MTSS1: variants seen among roughly 807,000 people sequenced by gnomAD.
MTSS1 encodes protein MTSS 1.
In MTSS1, 18 loss-of-function variants were observed where a neutral mutation model predicts 79.0. That is an observed-to-expected ratio of 0.23 (90% CI 0.16 to 0.34). The LOEUF (loss-of-function observed/expected upper bound fraction) is 0.34, where lower values mean the gene tolerates loss of function less well. Ranked by LOEUF, MTSS1 falls within the 10% of genes least tolerant of loss-of-function variation. The probability of loss-of-function intolerance (pLI) is 1.00; values close to 1 mark genes in which losing one functional copy is unlikely to be tolerated. For synonymous variants in MTSS1, 341 were observed against 368.6 expected, an observed-to-expected ratio of 0.93 and a Z score of 0.86; for missense variants, 815 against 986.2, an observed-to-expected ratio of 0.83 and a Z score of 2.33.
chr8:124,601,552 GA>G lies in MTSS1; in HGVS notation c.209-10318del, dbSNP rs532947646. ...TTGTAATATTTTAGTTTCACTATAT[GA>G]GAAAATAGTCTCTCCTTCCTCTCAA... On this transcript the variant is annotated intron_variant, in intron 3 of 13. Coordinates refer to ENST00000518547, the MANE Select transcript of MTSS1 (RefSeq NM_014751.6). 3.0e-4 allele frequency among the ~76,000 whole-genome samples: 45 copies of G among 152,336 alleles called. No individual in the cohort carries two copies. The South Asian group carries it at 6.8e-3, about 23-fold the overall frequency.
chr8:124,591,028 G>C (rs1831785736), intron 4 of MTSS1, 123 bp downstream of exon 4: 1 of 819,442 alleles, frequency 1.2e-6, no homozygotes, highest in African/African-American at 1.7e-5. Flanking sequence ...ACAATACTCA[G>C]GCAATGAATG....
intron 3 of MTSS1, among the ~76,000 whole-genome samples, chr8:124,620,882 C>A (rs1057029802): frequency 6.6e-6 from 1 of 152,182 alleles, no homozygotes; most frequent in Non-Finnish European, 1.5e-5. Context: ...GCGAATGAAA[C>A]AGTATCGTGA....
intron 3 of MTSS1, among the ~76,000 whole-genome samples, chr8:124,696,388 C>T (rs934959358): frequency 6.6e-6 from 1 of 152,080 alleles, no homozygotes; most frequent in African/African-American, 2.4e-5. Flanking sequence ...GAAGGACATT[C>T]GAGTTTCTCT....
intron 3 of MTSS1, among the ~76,000 whole-genome samples, chr8:124,630,249 G>A (rs1395080892): frequency 1.3e-5 from 2 of 152,174 alleles, no homozygotes; most frequent in Non-Finnish European, 2.9e-5. Context: ...CCCACCCCAT[G>A]CCACTGGGCT....
chr8:124,688,935 G>GA (rs368358900), intron 3 of MTSS1, among the ~76,000 whole-genome samples: 123 of 136,758 alleles, frequency 9.0e-4, no homozygotes, highest in East Asian at 1.7e-3. Context: ...GTGAGCAGAA[G>GA]AAAAAAAAAA....
chr8:124,684,246 C>T (rs564947956), intron 3 of MTSS1, among the ~76,000 whole-genome samples: 1 of 152,302 alleles, frequency 6.6e-6, no homozygotes, highest in African/African-American at 2.4e-5. Flanking sequence ...AGCTGGGTTA[C>T]TGGCATGAGG....
At chr8:124,608,783 C>T (rs1385501188) in intron 3 of MTSS1, among the ~76,000 whole-genome samples, 1 of 152,132 alleles carries the variant, frequency 6.6e-6, no homozygotes, top group Non-Finnish European at 1.5e-5. Flanking sequence ...CAGCTATGCG[C>T]TAGATGGAAA....
At chr8:124,607,700 G>A (rs887894701) in intron 3 of MTSS1, among the ~76,000 whole-genome samples, 6 of 152,190 alleles carry the variant, frequency 3.9e-5, no homozygotes, top group South Asian at 2.1e-4. Context: ...CTCCCAAATC[G>A]AGTCTCAGGT....
At chr8:124,586,046 TC>T (rs1830809103) in intron 5 of MTSS1, among the ~76,000 whole-genome samples, 1 of 152,024 alleles carries the variant, frequency 6.6e-6, no homozygotes, top group Non-Finnish European at 1.5e-5. Flanking sequence ...GCCAAGCACT[TC>T]CTCCTCCACC....
rs886526006 is a variant in MTSS1 at position 124,582,692 on chromosome 8, T to G, written c.460+2395A>C. Among the ~76,000 whole-genome samples, 4 of 152,148 alleles carry G rather than the reference T, an allele frequency of 2.6e-5. No homozygotes were observed. The highest frequency in any genetic ancestry group is 5.9e-5 in the Non-Finnish European group (4 of 68,018). ...GTGCGTCAGAAGGAACTGCTAACAC[T>G]TTTACAAACCGAGGGTCCGGGAATC... On this transcript the variant is annotated intron_variant, in intron 6 of 13. Coordinates refer to ENST00000518547, the MANE Select transcript of MTSS1 (RefSeq NM_014751.6). This position sits in a 1 kb window ranked among gnomAD's most constrained non-coding sequence, Gnocchi z 4.8.
chr8:124,701,636 A>G (rs1829717740), intron 2 of MTSS1, among the ~76,000 whole-genome samples: 1 of 152,222 alleles, frequency 6.6e-6, no homozygotes, highest in Non-Finnish European at 1.5e-5. Flanking sequence ...AATCATCCAA[A>G]TTTAATGAAC....
Position 124,641,236 on chromosome 8 carries a change from A to G in MTSS1, c.209-50001T>C, listed in dbSNP as rs927612744. Among the ~76,000 whole-genome samples the G allele has an allele frequency of 5.3e-5, 8 of 152,222 alleles. 1 individual carries two copies. The highest frequency in any genetic ancestry group is 5.2e-4 in the Admixed American group (8 of 15,284). On this transcript the variant is annotated intron_variant, in intron 3 of 13. Coordinates refer to ENST00000518547, the MANE Select transcript of MTSS1 (RefSeq NM_014751.6). ...CACAGTCACTTTGGCCAGCAGGCCC[A>G]GTGCAGGCTGGTTAAGAGAGCTCCC... is the stretch of plus-strand genomic sequence containing the variant.
chr8:124,659,884 T>C (rs1821675442), intron 3 of MTSS1, among the ~76,000 whole-genome samples: 1 of 152,108 alleles, frequency 6.6e-6, no homozygotes, highest in South Asian at 2.1e-4. Flanking sequence ...ATACAACAAC[T>C]AAATAGAAAT....
intron 12 of MTSS1, 37 bp from the exon 13 acceptor site, chr8:124,555,941 AGGG>A (rs3841189): frequency 2.0e-5 from 28 of 1,422,630 alleles, no homozygotes; most frequent in African/African-American, 1.2e-4. Flanking sequence ...AGGTTGCTTT[AGGG>A]GGGGGGCTCA....
intron 3 of MTSS1, among the ~76,000 whole-genome samples, chr8:124,658,184 T>C (rs1300266058): frequency 6.6e-6 from 1 of 152,146 alleles, no homozygotes; most frequent in Non-Finnish European, 1.5e-5. Context: ...CCAAATCTCA[T>C]CTTGAATTGT....
intron 3 of MTSS1, among the ~76,000 whole-genome samples, chr8:124,627,646 G>C (rs1170242623): frequency 1.3e-5 from 2 of 152,210 alleles, no homozygotes; most frequent in Non-Finnish European, 2.9e-5. Flanking sequence ...CATAGACTAA[G>C]CAGCCCTGGG....
intron 2 of MTSS1, among the ~76,000 whole-genome samples, chr8:124,702,232 A>G (rs1403959094): frequency 6.6e-6 from 1 of 152,210 alleles, no homozygotes. Flanking sequence ...GTTTTACTGT[A>G]TTACTATAGG....
At chr8:124,669,974 TA>T (rs1227088377) in intron 3 of MTSS1, among the ~76,000 whole-genome samples, 2 of 152,190 alleles carry the variant, frequency 1.3e-5, no homozygotes, top group Non-Finnish European at 2.9e-5. Flanking sequence ...ATTCACTCAA[TA>T]AATATTTACT....
intron 6 of MTSS1, among the ~76,000 whole-genome samples, chr8:124,574,798 G>C (rs1828657993): frequency 6.6e-6 from 1 of 152,212 alleles, no homozygotes; most frequent in Non-Finnish European, 1.5e-5. Flanking sequence ...TTTCTTCGGA[G>C]AGAGGTGTAT....
Sources: gnomAD v4.1 joint callset for allele counts (sites outside exome capture counted in the v4.1 genomes callset) on GRCh38, gnomAD v4.1.1 for gene constraint, Gnocchi (gnomAD v3.1) non-coding constraint, MANE v1.5 for transcripts, NCBI Gene and HGNC (gene_info 2026-07-23, HGNC 2026-07-21) for gene names.